Variants in WWOX observed in about 807,000 individuals in gnomAD.
The protein encoded by WWOX is WW domain-containing oxidoreductase.
In WWOX, 69 loss-of-function variants were observed where a neutral mutation model predicts 46.2. That is an observed-to-expected ratio of 1.49 (90% confidence interval 1.23 to 1.82). The LOEUF (loss-of-function observed/expected upper bound fraction) is 1.82. Ranked by LOEUF, WWOX falls within the 40% of genes most tolerant of loss-of-function variation. WWOX has a pLI of 0.00. For synonymous variants in WWOX, 359 were observed against 202.6 expected (o/e 1.77, Z -6.56); for missense variants, 919 against 542.6 (o/e 1.69, Z -6.89).
chr16:79,140,090 A>T (rs1022976423), intron 8 of WWOX, among the ~76,000 whole-genome samples: 3 of 152,136 alleles, frequency 2.0e-5, no homozygotes, highest in Non-Finnish European at 2.9e-5. Context: ...CATGGTCTCA[A>T]TGCTGTTGAG....
chr16:78,700,112 A>T (rs182293794), intron 8 of WWOX, among the ~76,000 whole-genome samples: 1 of 151,118 alleles, frequency 6.6e-6, no homozygotes, highest in Non-Finnish European at 1.5e-5. Flanking sequence ...TTCAACCCAC[A>T]CTAGTTACGT....
At chr16:78,721,512 T>C (rs1304782375) in intron 8 of WWOX, among the ~76,000 whole-genome samples, 3 of 152,182 alleles carry the variant, frequency 2.0e-5, no homozygotes, top group African/African-American at 7.2e-5. Context: ...GGCGGGGTTG[T>C]GGGCTGGGGG....
At chr16:78,823,126 G>C (rs2051551083) in intron 8 of WWOX, among the ~76,000 whole-genome samples, 1 of 152,192 alleles carries the variant, frequency 6.6e-6, no homozygotes, top group Admixed American at 6.5e-5. Flanking sequence ...AATTGAGCTT[G>C]TGGTTCTGTG....
At chr16:79,143,743 A>G (rs893957310) in intron 8 of WWOX, among the ~76,000 whole-genome samples, 4 of 152,082 alleles carry the variant, frequency 2.6e-5, no homozygotes, top group East Asian at 3.9e-4. Context: ...GTTTGTCTCT[A>G]TGCGCCCATG....
intron 8 of WWOX, among the ~76,000 whole-genome samples, chr16:78,754,313 G>C (rs1320830956): frequency 6.6e-6 from 1 of 152,072 alleles, no homozygotes; most frequent in Non-Finnish European, 1.5e-5. Context: ...AAGGCATTCA[G>C]GCTGATTTCA....
chr16:78,539,481 C>T (rs756529153), intron 8 of WWOX, among the ~76,000 whole-genome samples: 16 of 152,068 alleles, frequency 1.1e-4, no homozygotes, highest in East Asian at 1.9e-4. Flanking sequence ...AATTCTGCAT[C>T]GATAAAAAGT....
intron 5 of WWOX, among the ~76,000 whole-genome samples, chr16:78,336,279 C>T (rs1392632957): frequency 6.7e-6 from 1 of 149,520 alleles, no homozygotes; most frequent in Non-Finnish European, 1.5e-5. Context: ...TCAAAACCAG[C>T]CTGACCAACA....
intron 8 of WWOX, among the ~76,000 whole-genome samples, chr16:78,982,331 T>A (rs1438781890): frequency 6.6e-6 from 1 of 152,132 alleles, no homozygotes; most frequent in Non-Finnish European, 1.5e-5. Context: ...AAAAAATACC[T>A]CCTCTTCACT....
intron 8 of WWOX, among the ~76,000 whole-genome samples, chr16:78,613,681 G>C (rs1168628414): frequency 1.3e-5 from 2 of 152,198 alleles, no homozygotes; most frequent in Non-Finnish European, 2.9e-5. Context: ...GGGAAAGCTA[G>C]CTAAGCAGTG....
chr16:78,108,530 G>A (rs893653293), intron 2 of WWOX, 43 bp downstream of exon 2: 2 of 1,606,424 alleles, frequency 1.2e-6, no homozygotes, highest in Non-Finnish European at 1.7e-6. Context: ...GAAGCATTAA[G>A]TAGATGAGGA....
chr16:78,630,234 T>C (rs1338596790), intron 8 of WWOX, among the ~76,000 whole-genome samples: 1 of 152,180 alleles, frequency 6.6e-6, no homozygotes, highest in African/African-American at 2.4e-5. Flanking sequence ...TGGGGTCCTA[T>C]TTTGCTCACT....
chr16:78,903,683 T>G (rs1212572167), intron 8 of WWOX, among the ~76,000 whole-genome samples: 1 of 152,294 alleles, frequency 6.6e-6, no homozygotes, highest in African/African-American at 2.4e-5. Flanking sequence ...AGCCTCACTT[T>G]GAGAAGCACC....
At chr16:78,105,763 C>G (rs2032100225) in intron 1 of WWOX, among the ~76,000 whole-genome samples, 1 of 152,156 alleles carries the variant, frequency 6.6e-6, no homozygotes, top group Non-Finnish European at 1.5e-5. Flanking sequence ...TGCCTGCCAA[C>G]AAGGCTCAGC....
intron 8 of WWOX, among the ~76,000 whole-genome samples, chr16:78,647,576 G>A (rs187488737): frequency 6.0e-4 from 92 of 152,318 alleles, no homozygotes; most frequent in Non-Finnish European, 9.1e-4. Flanking sequence ...CCACTGTCCC[G>A]TAAGGGTGGG....
chr16:78,933,663 C>A (rs923226023), intron 8 of WWOX, among the ~76,000 whole-genome samples: 3 of 152,072 alleles, frequency 2.0e-5, no homozygotes, highest in African/African-American at 7.2e-5. Context: ...GCTGGGGAGG[C>A]CTCACAATTA....
intron 8 of WWOX, among the ~76,000 whole-genome samples, chr16:78,477,016 TAATTA>T (rs2084366805): frequency 6.6e-6 from 1 of 152,158 alleles, no homozygotes; most frequent in African/African-American, 2.4e-5. Context: ...CTTTTGTTGG[TAATTA>T]AATAAATTAT....
intron 5 of WWOX, among the ~76,000 whole-genome samples, chr16:78,280,013 G>A (rs944481584): frequency 2.0e-5 from 3 of 152,242 alleles, no homozygotes; most frequent in African/African-American, 7.2e-5. Flanking sequence ...CTCTGCAAAA[G>A]TCATCAAAAT....
intron 8 of WWOX, among the ~76,000 whole-genome samples, chr16:78,777,876 C>T (rs116498720): frequency 6.6e-6 from 1 of 151,772 alleles, no homozygotes; most frequent in East Asian, 1.9e-4. Flanking sequence ...GAAACCCTGT[C>T]TGTACAAAAA....
At chr16:78,492,301 A>AT (rs149671983) in intron 8 of WWOX, among the ~76,000 whole-genome samples, 1 of 152,098 alleles carries the variant, frequency 6.6e-6, no homozygotes, top group African/African-American at 2.4e-5. Flanking sequence ...AAACTGTATA[A>AT]TTTTTTTCTT....
Sources: gnomAD v4.1 joint callset for allele counts (sites outside exome capture counted in the v4.1 genomes callset) on GRCh38, gnomAD v4.1.1 for gene constraint, MANE v1.5 for transcripts, NCBI Gene and HGNC (gene_info 2026-07-23, HGNC 2026-07-21) for gene names.